The following TAFA2 variants were observed in gnomAD, a reference collection of about 807,000 sequenced individuals.
TAFA2 encodes TAFA chemokine like family member 2, also known as chemokine-like protein TAFA-2.
In TAFA2, 7 loss-of-function variants were observed where a neutral mutation model predicts 18.8. That is an observed-to-expected ratio of 0.37 (90% CI 0.21 to 0.70). TAFA2 has a LOEUF of 0.70. Among genes scored for constraint, TAFA2 ranks in the 30% least tolerant of loss-of-function variants. TAFA2 has a pLI of 0.53. For missense variants in TAFA2, 122 were observed against 158.1 expected, an observed-to-expected ratio of 0.77 and a Z score of 1.23; for synonymous variants, 60 against 54.2, an observed-to-expected ratio of 1.11 and a Z score of -0.47.
chr12:62,185,280 G>T (rs1456414400), intron 1 of TAFA2, among the ~76,000 whole-genome samples: 6 of 152,086 alleles, frequency 3.9e-5, no homozygotes, highest in Admixed American at 1.3e-4. Flanking sequence ...CCTCTGTTTT[G>T]TGGAGGATGA....
intron 2 of TAFA2, among the ~76,000 whole-genome samples, chr12:61,856,814 T>C (rs369613910): frequency 6.6e-6 from 1 of 151,818 alleles, no homozygotes; most frequent in Non-Finnish European, 1.5e-5. Context: ...AAAACAGTTA[T>C]ATATGTGAAT....
intron 4 of TAFA2, among the ~76,000 whole-genome samples, chr12:61,736,660 G>C (rs981804456): frequency 2.3e-4 from 35 of 151,844 alleles, no homozygotes; most frequent in Non-Finnish European, 5.9e-5. Flanking sequence ...CCGTTGTCCT[G>C]AATTCCTGTT....
At chr12:61,916,042 T>C (rs1355601627) in intron 1 of TAFA2, among the ~76,000 whole-genome samples, 1 of 152,198 alleles carries the variant, frequency 6.6e-6, no homozygotes, top group Admixed American at 6.5e-5. Flanking sequence ...ATGGGTTACT[T>C]TGTCCCTGAT....
chr12:62,032,034 T>C (rs779241188), intron 1 of TAFA2, among the ~76,000 whole-genome samples: 3 of 152,198 alleles, frequency 2.0e-5, no homozygotes, highest in Non-Finnish European at 4.4e-5. Context: ...TGGGGAAACA[T>C]GGTTTATAAC....
intron 2 of TAFA2, among the ~76,000 whole-genome samples, chr12:61,761,642 AAC>A (rs1025810345): frequency 8.5e-5 from 13 of 152,068 alleles, no homozygotes; most frequent in Non-Finnish European, 1.6e-4. Context: ...CTGACAAGGA[AAC>A]TATACCTCCA....
chr12:61,908,865 T>C (rs777334139), intron 1 of TAFA2, among the ~76,000 whole-genome samples: 3 of 152,206 alleles, frequency 2.0e-5, no homozygotes, highest in Non-Finnish European at 4.4e-5. Flanking sequence ...TTTAACTGTA[T>C]GATCAGAATG....
intron 1 of TAFA2, among the ~76,000 whole-genome samples, chr12:61,957,172 A>C (rs1325174606): frequency 6.6e-6 from 1 of 152,176 alleles, no homozygotes; most frequent in African/African-American, 2.4e-5. Context: ...AGCTTTTAGA[A>C]TAAGGAGATC....
intron 1 of TAFA2, among the ~76,000 whole-genome samples, chr12:62,126,292 C>G (rs750760798): frequency 2.6e-4 from 39 of 152,042 alleles, no homozygotes; most frequent in Non-Finnish European, 5.1e-4. Flanking sequence ...AATTTTAATA[C>G]AATGTGCCAA....
chr12:61,730,479 G>A (rs982090287), intron 4 of TAFA2, among the ~76,000 whole-genome samples: 1 of 152,158 alleles, frequency 6.6e-6, no homozygotes, highest in Admixed American at 6.6e-5. Flanking sequence ...GCTCCTACAA[G>A]CTTACGTCTT....
intron 1 of TAFA2, among the ~76,000 whole-genome samples, chr12:61,933,571 A>C (rs1473321201): frequency 6.6e-6 from 1 of 152,124 alleles, no homozygotes; most frequent in African/African-American, 2.4e-5. Flanking sequence ...AAAATTAGCC[A>C]GGAGTGGTGG....
chr12:61,874,016 G>C (rs1408830635), intron 1 of TAFA2, among the ~76,000 whole-genome samples: 1 of 151,974 alleles, frequency 6.6e-6, no homozygotes, highest in Non-Finnish European at 1.5e-5. Flanking sequence ...AAACTGAGGT[G>C]GTTGATTTTA....
intron 2 of TAFA2, among the ~76,000 whole-genome samples, chr12:61,784,706 A>C (rs1870652425): frequency 6.6e-6 from 1 of 150,962 alleles, no homozygotes; most frequent in Non-Finnish European, 1.5e-5. Context: ...ATTTTTCAAA[A>C]AAAAAAAGTT....
At chr12:62,239,615 C>A (rs956535485) in intron 1 of TAFA2, among the ~76,000 whole-genome samples, 1 of 152,146 alleles carries the variant, frequency 6.6e-6, no homozygotes, top group African/African-American at 2.4e-5. Flanking sequence ...TTGGGATGCT[C>A]CCTCTTTTAA....
intron 1 of TAFA2, among the ~76,000 whole-genome samples, chr12:62,188,772 C>G (rs568126775): frequency 6.6e-6 from 1 of 152,190 alleles, no homozygotes; most frequent in East Asian, 1.9e-4. Context: ...TTCTACCACC[C>G]TCTAAATTTT....
At chr12:61,875,017 A>C (rs1874781734) in intron 1 of TAFA2, among the ~76,000 whole-genome samples, 1 of 152,150 alleles carries the variant, frequency 6.6e-6, no homozygotes, top group Non-Finnish European at 1.5e-5. Context: ...CTCTCAGAGC[A>C]TGGGCTTATA....
At chr12:62,124,128 T>C (rs1402799856) in intron 1 of TAFA2, among the ~76,000 whole-genome samples, 5 of 152,018 alleles carry the variant, frequency 3.3e-5, no homozygotes, top group Non-Finnish European at 7.4e-5. Context: ...TGTAGAAGAA[T>C]GGTAGAATTC....
chr12:62,058,264 C>A (rs1882238917), intron 1 of TAFA2, among the ~76,000 whole-genome samples: 1 of 152,116 alleles, frequency 6.6e-6, no homozygotes, highest in Non-Finnish European at 1.5e-5. Flanking sequence ...CGTTTGTTCA[C>A]TTGGGATTCC....
intron 1 of TAFA2, among the ~76,000 whole-genome samples, chr12:62,213,411 G>A (rs928716309): frequency 7.2e-5 from 11 of 152,222 alleles, no homozygotes; most frequent in African/African-American, 1.9e-4. Flanking sequence ...TTGGGAGGCC[G>A]AGGTGGGCAG....
intron 1 of TAFA2, among the ~76,000 whole-genome samples, chr12:62,179,202 G>C (rs1370994616): frequency 6.6e-6 from 1 of 152,106 alleles, no homozygotes; most frequent in Non-Finnish European, 1.5e-5. Context: ...CTTATTAAAT[G>C]CCTTATTAAA....
Sources: allele counts gnomAD v4.1 joint callset (sites outside exome capture counted in the v4.1 genomes callset), GRCh38; gene constraint gnomAD v4.1.1; transcripts MANE v1.5; gene names NCBI Gene and HGNC (gene_info 2026-07-23, HGNC 2026-07-21).